AKT1: variants seen among roughly 807,000 people sequenced by gnomAD.
AKT1 encodes the protein AKT serine/threonine kinase 1.
A neutral mutation model predicts 63.1 loss-of-function variants in AKT1; 21 were observed. That is an observed-to-expected ratio of 0.33 (90% CI 0.24 to 0.48). The LOEUF (loss-of-function observed/expected upper bound fraction) is 0.48, where lower values mean the gene tolerates loss of function less well. Ranked by LOEUF, AKT1 falls within the 20% of genes least tolerant of loss-of-function variation. The pLI, the probability that AKT1 is intolerant of heterozygous loss-of-function variation, is 0.99. For missense variants in AKT1, 382 were observed against 666.0 expected (o/e 0.57, Z 4.69); for synonymous variants, 257 against 253.1 (o/e 1.02, Z -0.15).
At chr14:104,779,948 C>A (rs1181997956) in intron 4 of AKT1, 140 bp downstream of exon 4, 9 of 1,276,038 alleles carry the variant, frequency 7.1e-6, no homozygotes, top group African/African-American at 1.5e-5. Flanking sequence ...GGCCCAGAGA[C>A]CCCCACCCAG....
In AKT1 at chr14:104,773,907, C is replaced by T. The variant is rs1011405879; in HGVS notation, c.702+5G>A. The T allele has an allele frequency of 1.2e-6, 2 of 1,605,300 alleles. No individual in the cohort carries two copies. Among genetic ancestry groups the T allele is most frequent in the Admixed American group, 3.4e-5 (2 of 59,432 alleles). On this transcript the variant is annotated splice_donor_5th_base_variant and intron_variant, in intron 9 of 14. Transcript: ENST00000649815. ...AAGTCCATCCCCCGCAGCCCCAGCC[C>T]CTACCTCGCCCCCGTTGGCGTACTC...
intron 3 of AKT1, among the ~76,000 whole-genome samples, chr14:104,782,130 G>A (rs1309460558): frequency 6.6e-6 from 1 of 151,918 alleles, no homozygotes; most frequent in Non-Finnish European, 1.5e-5. Flanking sequence ...GGCAGGCAGG[G>A]GCGCTCAGTG....
Position 104,773,596 on chromosome 14 carries a change from C to T in AKT1, c.703-16G>A, listed in dbSNP as rs763253068. On this transcript the variant is annotated splice_polypyrimidine_tract_variant and intron_variant, in intron 9 of 14. Coordinates refer to ENST00000649815, the MANE Select transcript of AKT1 (RefSeq NM_001382430.1). ...GGAAGAACAGCTGCGGGAGGCGCAACCTGAGGCACAGCCGTGGCTCGGGCC... is the reference window on the plus strand; with the variant it reads ...GGAAGAACAGCTGCGGGAGGCGCAATCTGAGGCACAGCCGTGGCTCGGGCC... 8 of 1,598,550 alleles carry T rather than the reference C, an allele frequency of 5.0e-6. No individual in the cohort carries two copies. The South Asian group carries it at 6.8e-5, about 14-fold the overall frequency.
At chr14:104,791,825 C>G (rs990483292) in intron 3 of AKT1, among the ~76,000 whole-genome samples, 1 of 152,232 alleles carries the variant, frequency 6.6e-6, no homozygotes, top group Admixed American at 6.5e-5. Flanking sequence ...CGGACCGATT[C>G]CGCCTGGGGC....
intron 3 of AKT1, among the ~76,000 whole-genome samples, chr14:104,781,684 C>T (rs1167577375): frequency 6.6e-6 from 1 of 152,204 alleles, no homozygotes; most frequent in Admixed American, 6.5e-5. Context: ...CCTCTCTCTG[C>T]CCAAGCCAGG....
chr14:104,772,193 G>C, intron 13 of AKT1, 172 bp downstream of exon 13: 2 of 693,776 alleles, frequency 2.9e-6, no homozygotes, highest in Non-Finnish European at 5.0e-6. Flanking sequence ...CAGAGCCTCT[G>C]AGCACCAGGC....
intron 3 of AKT1, among the ~76,000 whole-genome samples, chr14:104,788,011 C>T (rs966991887): frequency 1.3e-5 from 2 of 152,210 alleles, no homozygotes; most frequent in East Asian, 3.9e-4. Context: ...CTGCCCCTCT[C>T]CCGGGTAGGC....
rs990753249 is a variant in AKT1, at chr14:104,769,648, G to A, written c.*693C>T. ...AGAACTGTGACACAGAAGGGGAAGG[G>A]GGAGGGCTTTCCTGTCACAAAGATT... On this transcript the variant is annotated 3_prime_UTR_variant, in exon 15 of 15. Transcript: ENST00000649815. 4.0e-6 allele frequency: 2 copies of A among 496,806 alleles called. No individual in the cohort carries two copies. The highest frequency in any genetic ancestry group is 5.5e-5 in the Admixed American group (2 of 36,600). 30.8% of individuals were successfully genotyped at this position (496,806 alleles called of 1,614,324 possible).
chr14:104,780,439 C>G (rs1892966705), intron 3 of AKT1, among the ~76,000 whole-genome samples: 1 of 152,182 alleles, frequency 6.6e-6, no homozygotes, highest in Non-Finnish European at 1.5e-5. Context: ...TCAGAAGAGC[C>G]ACCCCGAGCT....
At chr14:104,776,576 G>A (rs936506219) in intron 5 of AKT1, 83 bp downstream of exon 5, 29 of 1,223,284 alleles carry the variant, frequency 2.4e-5, no homozygotes, top group Middle Eastern at 1.9e-4. Flanking sequence ...ACAGGCAGAG[G>A]TGCCAGCACC....
rs776642823 is a variant in AKT1, at chr14:104,773,584, C to T, written c.703-4G>A. The T allele has an allele frequency of 1.6e-5, 25 of 1,602,156 alleles. No homozygotes were observed. The highest frequency in any genetic ancestry group is 6.7e-5 in the South Asian group (6 of 89,056). ...CCCGGGACAGGTGGAAGAACAGCTG[C>T]GGGAGGCGCAACCTGAGGCACAGCC... On this transcript the variant is annotated splice_polypyrimidine_tract_variant and splice_region_variant and intron_variant, in intron 9 of 14. Transcript: ENST00000649815.
At chr14:104,787,941 C>T (rs1348465519) in intron 3 of AKT1, among the ~76,000 whole-genome samples, 1 of 152,228 alleles carries the variant, frequency 6.6e-6, no homozygotes, top group Non-Finnish European at 1.5e-5. Flanking sequence ...AAACAGGAAC[C>T]TCCCTGATGC....
intron 5 of AKT1, chr14:104,776,172 G>A (rs1247230738): frequency 4.2e-6 from 1 of 236,324 alleles, no homozygotes; most frequent in East Asian, 1.1e-4. Flanking sequence ...TTTTGAGACG[G>A]AGTCTTGCTC....
chr14:104,794,693 T>G (rs1344785392), intron 1 of AKT1, among the ~76,000 whole-genome samples: 1 of 152,192 alleles, frequency 6.6e-6, no homozygotes, highest in Non-Finnish European at 1.5e-5. Flanking sequence ...GATGAGGGAC[T>G]CAAAGCAGTC....
chr14:104,775,548 G>T, intron 6 of AKT1, 104 bp downstream of exon 6: 2 of 1,456,992 alleles, frequency 1.4e-6, no homozygotes, highest in South Asian at 1.3e-5. Flanking sequence ...AGATGCCGTG[G>T]AGTGCTGAGT....
At chr14:104,771,032 TGCA>T in intron 13 of AKT1, 185 bp from the exon 14 acceptor site, 1 of 600,824 alleles carries the variant, frequency 1.7e-6, no homozygotes, top group Non-Finnish European at 3.0e-6. Flanking sequence ...ACATGAGGGG[TGCA>T]GGAGCACGGA....
chr14:104,769,480 G>T lies in AKT1; in HGVS notation c.*861C>A. The T allele has an allele frequency of 1.9e-6, 1 of 513,648 alleles. No homozygotes were observed. The highest frequency in any genetic ancestry group is 3.7e-6 in the Non-Finnish European group (1 of 267,678). 31.8% of individuals were successfully genotyped at this position (513,648 alleles called of 1,614,324 possible). The stretch of plus-strand genomic sequence containing the variant: ...GGCAGCGGCAGCGTCTGGCCAGGAG[G>T]CGTGGAGGGGCCCAGGGATGGCCAC... On this transcript the variant is annotated 3_prime_UTR_variant, in exon 15 of 15. Coordinates refer to ENST00000649815, the MANE Select transcript of AKT1 (RefSeq NM_001382430.1).
chr14:104,794,898 C>T (rs1180274679), intron 1 of AKT1: 1 of 152,346 alleles, frequency 6.6e-6, no homozygotes, highest in Non-Finnish European at 1.5e-5. Context: ...AAGCCTTGGC[C>T]TCTGGGATGG....
chr14:104,792,031 G>C (rs527621883), intron 3 of AKT1, among the ~76,000 whole-genome samples: 1 of 152,096 alleles, frequency 6.6e-6, no homozygotes, highest in South Asian at 2.1e-4. Flanking sequence ...CTGCTGGCCA[G>C]GCCCCTCGGG....
Sources: allele counts gnomAD v4.1 joint callset (sites outside exome capture counted in the v4.1 genomes callset), GRCh38; gene constraint gnomAD v4.1.1; transcripts MANE v1.5; gene names NCBI Gene and HGNC (gene_info 2026-07-23, HGNC 2026-07-21).